The following ABI3BP variants were observed in gnomAD, a reference collection of about 807,000 sequenced individuals.
ABI3BP encodes ABI family member 3 binding protein, also known as target of Nesh-SH3.
In ABI3BP, 216 loss-of-function variants were observed where a neutral mutation model predicts 268.6. That is an observed-to-expected ratio of 0.80 (90% confidence interval 0.72 to 0.90). ABI3BP has a LOEUF of 0.90. Among genes scored for constraint, ABI3BP ranks in the 40% least tolerant of loss-of-function variants. ABI3BP has a pLI of 0.00. For missense variants in ABI3BP, 2,090 were observed against 2,182.4 expected (o/e 0.96, Z 0.84); for synonymous variants, 730 against 730.0 (o/e 1.00, Z 0.00).
At chr3:100,941,861 C>T (rs1224657337) in intron 1 of ABI3BP, among the ~76,000 whole-genome samples, 2 of 152,126 alleles carry the variant, frequency 1.3e-5, no homozygotes, top group African/African-American at 4.8e-5. Context: ...ACACAGGTGT[C>T]AATTGCACAC....
chr3:100,870,127 G>A (rs1056622834), intron 9 of ABI3BP, among the ~76,000 whole-genome samples: 16 of 152,062 alleles, frequency 1.1e-4, no homozygotes, highest in African/African-American at 3.4e-4. Context: ...TAACTTCAGC[G>A]CAGTTTATTT....
At chr3:100,790,996 T>A (rs547417649) in intron 55 of ABI3BP, among the ~76,000 whole-genome samples, 11 of 152,028 alleles carry the variant, frequency 7.2e-5, no homozygotes, top group African/African-American at 2.4e-4. Flanking sequence ...AGAATTTTTT[T>A]ATAAAAGAGC....
intron 1 of ABI3BP, among the ~76,000 whole-genome samples, chr3:100,980,458 C>A (rs2088778508): frequency 6.6e-6 from 1 of 152,200 alleles, no homozygotes; most frequent in South Asian, 2.1e-4. Flanking sequence ...CACTGAAATA[C>A]ACATTTTTTT....
intron 9 of ABI3BP, among the ~76,000 whole-genome samples, chr3:100,870,760 G>C (rs938350183): frequency 1.3e-5 from 2 of 152,136 alleles, no homozygotes; most frequent in Admixed American, 1.3e-4. Context: ...ATTCACTCCA[G>C]CATTGTTCAC....
chr3:100,967,464 G>A (rs1213160896), intron 1 of ABI3BP, among the ~76,000 whole-genome samples: 25 of 147,654 alleles, frequency 1.7e-4, no homozygotes, highest in African/African-American at 4.8e-4. Flanking sequence ...AGGTAGCGCC[G>A]CTGCACTCTA....
intron 24 of ABI3BP, among the ~76,000 whole-genome samples, chr3:100,839,302 C>T (rs2098656494): frequency 6.6e-6 from 1 of 152,164 alleles, no homozygotes; most frequent in Non-Finnish European, 1.5e-5. Flanking sequence ...GCTTTCTCAA[C>T]CCCACGACAC....
rs1225996588 is a variant in ABI3BP, at chr3:100,956,258, CACATAT to C, written c.80-29783_80-29778del. On this transcript the variant is annotated intron_variant, in intron 1 of 67. Transcript: ENST00000471714. The stretch of plus-strand genomic sequence containing the variant: ...ACACACACACACACACACACACACA[CACATAT>C]GGCATGTCAAATGATGGGGTAGATA... 2.9e-3 allele frequency among the ~76,000 whole-genome samples: 307 copies of C among 104,906 alleles called. 2 individuals carry two copies. Among genetic ancestry groups the C allele is most frequent in the African/African-American group, 8.4e-3 (262 of 31,048 alleles). The allele number at this position is 104,906 out of a possible 152,430, so 68.8% of individuals were successfully genotyped here.
rs201676333 is a variant in ABI3BP at position 100,776,277 on chromosome 3, G to T, written c.4334-942C>A. ...TGACCCAGCATGGAATCAGGGCTGAGTAGTCAGAAGGGCCTCTGACCTGGC... is the reference window on the plus strand; with the variant it reads ...TGACCCAGCATGGAATCAGGGCTGATTAGTCAGAAGGGCCTCTGACCTGGC... On this transcript the variant is annotated intron_variant, in intron 59 of 67. Coordinates refer to ENST00000471714, the MANE Select transcript of ABI3BP (RefSeq NM_001375547.2). Among the ~76,000 whole-genome samples the T allele has an allele frequency of 1.2e-4, 18 of 152,288 alleles. No homozygotes were observed. In the East Asian group the frequency reaches 1.7e-3, roughly 15 times the overall value.
chr3:100,803,609 T>A lies in ABI3BP; in HGVS notation c.3757+1183A>T, dbSNP rs143784132. ...AAAACTTAACTATTCAATATATTGATGTAATGAGATTATACTAATATTATT... is the reference window on the plus strand; with the variant it reads ...AAAACTTAACTATTCAATATATTGAAGTAATGAGATTATACTAATATTATT... On this transcript the variant is annotated intron_variant, in intron 51 of 67. Coordinates refer to ENST00000471714, the MANE Select transcript of ABI3BP (RefSeq NM_001375547.2). Among the ~76,000 whole-genome samples the A allele has an allele frequency of 3.5e-3, 402 of 114,016 alleles. 12 individuals carry two copies. The highest frequency in any genetic ancestry group is 9.6e-3 in the African/African-American group (372 of 38,788). The allele number at this position is 114,016 out of a possible 152,430, so 74.8% of individuals were successfully genotyped here.
chr3:100,761,988 T>G (rs2095985667), intron 63 of ABI3BP, among the ~76,000 whole-genome samples: 1 of 152,252 alleles, frequency 6.6e-6, no homozygotes, highest in Non-Finnish European at 1.5e-5. Flanking sequence ...CAGAACCTCA[T>G]GAGGGAATTT....
rs150340570 is a variant in ABI3BP at position 100,810,182 on chromosome 3, C to G, written c.3607+230G>C. 2.2e-3 allele frequency among the ~76,000 whole-genome samples: 337 copies of G among 152,082 alleles called. 3 individuals carry two copies. Among genetic ancestry groups the G allele is most frequent in the African/African-American group, 7.6e-3 (315 of 41,522 alleles). On this transcript the variant is annotated intron_variant, in intron 49 of 67. Transcript: ENST00000471714. ...TTCTTCCCAGAAGCATTCCTATTCC[C>G]TGAATTAAACACTTGCAGAGTAGCT...
At position 100,892,007 on chromosome 3, in the gene ABI3BP, G is replaced by A. The variant is rs564388489; in HGVS notation, c.462-5684C>T. On this transcript the variant is annotated intron_variant, in intron 4 of 67. Transcript: ENST00000471714. ...GCATTTTAAATCCCATTCCATTGAC[G>A]TCGTTTACTTCAGGACATACTACCC... Among the ~76,000 whole-genome samples the A allele has an allele frequency of 9.2e-5, 14 of 152,276 alleles. No homozygotes were observed. In the South Asian group the frequency reaches 2.1e-3, roughly 23 times the overall value.
chr3:100,812,155 G>A (rs576403905), intron 46 of ABI3BP, among the ~76,000 whole-genome samples: 34 of 152,062 alleles, frequency 2.2e-4, no homozygotes, highest in African/African-American at 7.7e-4. Context: ...GCAAAAGCAC[G>A]GGATGAATCC....
At position 100,873,860 on chromosome 3, in the gene ABI3BP, T is replaced by C. The variant is rs180712576; in HGVS notation, c.910+981A>G. 2.9e-3 allele frequency among the ~76,000 whole-genome samples: 447 copies of C among 152,318 alleles called. 3 individuals are homozygous for C. Among genetic ancestry groups the C allele is most frequent in the African/African-American group, 0.01 (434 of 41,568 alleles). ...GACATAGGGTAATGCATAGTATTTG[T>C]TGAATGACTGTGGCCAAACAGGGGC... On this transcript the variant is annotated intron_variant, in intron 9 of 67. Transcript: ENST00000471714.
Position 100,851,899 on chromosome 3 carries a change from G to A in ABI3BP, c.1327C>T (p.Pro443Ser). The stretch of plus-strand genomic sequence containing the variant: ...CCTGTGTAGGAATCTGATATCTCAG[G>A]CTCATCTGATGTTGTAGGGCTTGAG... ...VFSSPTTSDEPEISDSYTATS... is the reference protein window; with the variant it reads ...VFSSPTTSDESEISDSYTATS... Residue 443 changes from proline (P) to serine (S), a missense_variant, in exon 15 of 68, where the codon CCT (proline) becomes TCT (serine). Transcript: ENST00000471714. 1 of 1,590,574 alleles carries A rather than the reference G, an allele frequency of 6.3e-7. No homozygotes were observed. The highest frequency in any genetic ancestry group is 8.6e-7 in the Non-Finnish European group (1 of 1,168,682).
intron 9 of ABI3BP, among the ~76,000 whole-genome samples, chr3:100,873,658 T>C (rs920000477): frequency 8.5e-5 from 13 of 152,158 alleles, no homozygotes; most frequent in Admixed American, 8.5e-4. Flanking sequence ...GGGTTATATC[T>C]TATTTATCAT....
Position 100,813,810 on chromosome 3 carries a change from T to G in ABI3BP, c.3290-75A>C, listed in dbSNP as rs900895002. 12 of 1,221,340 alleles carry G rather than the reference T, an allele frequency of 9.8e-6. No individual in the cohort carries two copies. The African/African-American group carries it at 1.5e-4, about 15-fold the overall frequency. The allele number at this position is 1,221,340 out of a possible 1,614,324, so 75.7% of individuals were successfully genotyped here. On this transcript the variant is annotated intron_variant, in intron 44 of 67. Coordinates refer to ENST00000471714, the MANE Select transcript of ABI3BP (RefSeq NM_001375547.2). ...CATAGGTTTTAGACAGAGGTAGCAGTGAAATAAAATACACAGACCCTGAAA... is the reference window on the plus strand; with the variant it reads ...CATAGGTTTTAGACAGAGGTAGCAGGGAAATAAAATACACAGACCCTGAAA...
Position 100,749,944 on chromosome 3 carries a change from A to G in ABI3BP, c.*551T>C, listed in dbSNP as rs2095230391. The G allele has an allele frequency of 5.2e-6, 2 of 387,436 alleles. No individual in the cohort carries two copies. The highest frequency in any genetic ancestry group is 9.1e-6 in the Non-Finnish European group (2 of 219,398). 24.0% of individuals were successfully genotyped at this position (387,436 alleles called of 1,614,324 possible). The stretch of plus-strand genomic sequence containing the variant: ...TGTGTAACTATTAAACTCCTCCGCA[A>G]AGCTATTCAGCTGTTGCTAAAAAAT... On this transcript the variant is annotated 3_prime_UTR_variant, in exon 68 of 68. Coordinates refer to ENST00000471714, the MANE Select transcript of ABI3BP (RefSeq NM_001375547.2).
intron 24 of ABI3BP, among the ~76,000 whole-genome samples, chr3:100,839,325 C>G (rs542840424): frequency 1.1e-4 from 17 of 152,278 alleles, no homozygotes; most frequent in Admixed American, 7.9e-4. Flanking sequence ...ATAGGGCAGA[C>G]AGAAGGTCAG....
Sources: allele counts gnomAD v4.1 joint callset (sites outside exome capture counted in the v4.1 genomes callset), GRCh38; gene constraint gnomAD v4.1.1; transcripts MANE v1.5; gene names NCBI Gene and HGNC (gene_info 2026-07-23, HGNC 2026-07-21).